The following MTREX variants were observed in gnomAD, a reference collection of about 807,000 sequenced individuals.
The protein encoded by MTREX is Mtr4 exosome RNA helicase.
MTREX carries 76 observed loss-of-function variants against 135.4 expected under a neutral mutation model. That is an observed-to-expected ratio of 0.56 (90% CI 0.47 to 0.68). MTREX has a LOEUF of 0.68. MTREX is among the 30% of genes least tolerant of loss of function. The probability of loss-of-function intolerance (pLI) is 0.00; values close to 1 mark genes in which losing one functional copy is unlikely to be tolerated. For synonymous variants in MTREX, 404 were observed against 401.6 expected (o/e 1.01, Z -0.07); for missense variants, 920 against 1,262.1 (o/e 0.73, Z 4.11).
At chr5:55,399,677 C>A (rs534218583) in intron 20 of MTREX, among the ~76,000 whole-genome samples, 54 of 152,000 alleles carry the variant, frequency 3.6e-4, no homozygotes, top group Admixed American at 1.2e-3. Flanking sequence ...TTAGTAGAGA[C>A]GGGGTTTCAC....
At chr5:55,327,841 T>C in intron 4 of MTREX, 63 bp downstream of exon 4, 2 of 1,214,604 alleles carry the variant, frequency 1.6e-6, no homozygotes, top group Non-Finnish European at 2.4e-6. Flanking sequence ...TTAAAATTCT[T>C]ATTTCAAATG....
At chr5:55,365,604 C>G (rs1324547657) in intron 15 of MTREX, among the ~76,000 whole-genome samples, 2 of 152,232 alleles carry the variant, frequency 1.3e-5, no homozygotes, top group Non-Finnish European at 2.9e-5. Context: ...TACTGCACTT[C>G]TAAATGTTTC....
intron 2 of MTREX, among the ~76,000 whole-genome samples, chr5:55,323,373 A>T (rs747615619): frequency 1.2e-4 from 18 of 152,236 alleles, no homozygotes; most frequent in African/African-American, 4.3e-4. Flanking sequence ...GCCTTTTCAG[A>T]GTCTTAACAG....
chr5:55,377,595 G>T (rs984733332), intron 16 of MTREX, among the ~76,000 whole-genome samples: 3 of 152,096 alleles, frequency 2.0e-5, no homozygotes, highest in Non-Finnish European at 2.9e-5. Flanking sequence ...TCTAATTAAT[G>T]ACTAAATACA....
chr5:55,366,433 TGAGCAGCCTTGCAGTGGGGGACCACAAA>T (rs1299385757), intron 15 of MTREX, among the ~76,000 whole-genome samples: 38 of 152,314 alleles, frequency 2.5e-4, no homozygotes, highest in African/African-American at 8.7e-4. Context: ...AAGGCTGCAG[TGAGCAGCCTTGCAGTGGGGGACCACAAA>T]GAGCAATCCT....
intron 18 of MTREX, among the ~76,000 whole-genome samples, chr5:55,386,040 A>G (rs564543342): frequency 1.3e-5 from 2 of 152,300 alleles, no homozygotes; most frequent in Middle Eastern, 3.4e-3. Flanking sequence ...ATTTTTATTA[A>G]TTTTGGGATC....
intron 22 of MTREX, 145 bp downstream of exon 22, chr5:55,405,733 G>A (rs941119616): frequency 5.0e-5 from 27 of 540,658 alleles, no homozygotes; most frequent in South Asian, 4.8e-4. Flanking sequence ...ACTCCGCCTC[G>A]CAGTTTTAAG....
At position 55,315,561 on chromosome 5, in the gene MTREX, C is replaced by CTTGCGG. The variant is rs1467036163; in HGVS notation, c.135-6766_135-6765insTTGCGG. On this transcript the variant is annotated intron_variant, in intron 1 of 26. Coordinates refer to ENST00000230640, the MANE Select transcript of MTREX (RefSeq NM_015360.5). ...GACAGACAACAACAACAACAAAAACCCATATTCCATTGCGGCATAGAGCAA... is the reference window on the plus strand; with the variant it reads ...GACAGACAACAACAACAACAAAAACCTTGCGGCATATTCCATTGCGGCATAGAGCAA... Among the ~76,000 whole-genome samples, 45 of 151,850 alleles carry CTTGCGG rather than the reference C, an allele frequency of 3.0e-4. 1 individual carries two copies. Among genetic ancestry groups the CTTGCGG allele is most frequent in the Non-Finnish European group, 1.3e-4 (9 of 67,962 alleles).
At chr5:55,370,424 T>C (rs1160570704) in intron 16 of MTREX, among the ~76,000 whole-genome samples, 1 of 152,182 alleles carries the variant, frequency 6.6e-6, no homozygotes, top group Non-Finnish European at 1.5e-5. Flanking sequence ...TGTTTTGTTT[T>C]TTCAATGTGG....
At chr5:55,388,220 T>C in intron 19 of MTREX, 118 bp downstream of exon 19, 1 of 861,660 alleles carries the variant, frequency 1.2e-6, no homozygotes. Flanking sequence ...ATTAGAAGTT[T>C]TCAAGGTATT....
In MTREX at chr5:55,425,463, T is replaced by A; in HGVS notation, c.*691T>A. The A allele has an allele frequency of 1.2e-6, 1 of 858,796 alleles. No homozygotes were observed. The highest frequency in any genetic ancestry group is 1.7e-6 in the Non-Finnish European group (1 of 603,050). The allele number at this position is 858,796 out of a possible 1,614,324, so 53.2% of individuals were successfully genotyped here. A position where few individuals can be genotyped will look rare whatever the true frequency, so the allele number is the denominator to read the frequency against. ...CTTTGAGGTGTACAGATTAAGCATATAAAAAATTAGAGACTAACTGGGATT... is the reference window on the plus strand; with the variant it reads ...CTTTGAGGTGTACAGATTAAGCATAAAAAAAATTAGAGACTAACTGGGATT... On this transcript the variant is annotated 3_prime_UTR_variant, in exon 27 of 27. Transcript: ENST00000230640.
intron 1 of MTREX, 34 bp from the exon 2 acceptor site, chr5:55,322,293 C>G: frequency 6.4e-7 from 1 of 1,569,008 alleles, no homozygotes; most frequent in Admixed American, 1.9e-5. Flanking sequence ...AAAGTGGATA[C>G]TGCAGAATTC....
chr5:55,340,050 A>AC lies in MTREX; in HGVS notation c.556_557insC (p.Ile186ThrfsTer7). On this transcript the variant is annotated frameshift_variant, in exon 6 of 27. Transcript: ENST00000230640. LOFTEE classifies it high-confidence loss of function. The stretch of plus-strand genomic sequence containing the variant: ...GGCCTTAAGGGAAAAGCAGCGTGTA[A>AC]TATTTACCAGCCCAATTAAGGCTCT... 1 of 1,591,172 alleles carries AC rather than the reference A, an allele frequency of 6.3e-7. No individual in the cohort carries two copies. Among genetic ancestry groups the AC allele is most frequent in the South Asian group, 1.2e-5 (1 of 86,926 alleles).
At chr5:55,368,376 G>A (rs545960977) in intron 16 of MTREX, among the ~76,000 whole-genome samples, 41 of 152,212 alleles carry the variant, frequency 2.7e-4, no homozygotes, top group African/African-American at 9.6e-4. Context: ...GCTGGAACCC[G>A]GGAGCAGAGG....
chr5:55,391,807 A>T (rs1210806943), intron 19 of MTREX, among the ~76,000 whole-genome samples: 1 of 152,206 alleles, frequency 6.6e-6, no homozygotes, highest in Non-Finnish European at 1.5e-5. Context: ...CTGCCTTTTT[A>T]AATCAAACCA....
At chr5:55,308,195 G>A (rs1215654874) in intron 1 of MTREX, 48 bp downstream of exon 1, 1 of 1,539,592 alleles carries the variant, frequency 6.5e-7, no homozygotes, top group South Asian at 1.3e-5. Context: ...TCTCGGTGGG[G>A]AGGAAGAAAA....
chr5:55,352,747 T>A (rs762062562), intron 13 of MTREX, among the ~76,000 whole-genome samples: 60 of 152,328 alleles, frequency 3.9e-4, no homozygotes, highest in Middle Eastern at 3.4e-3. Context: ...GTCTTAGAAG[T>A]GAATTACAGA....
intron 25 of MTREX, among the ~76,000 whole-genome samples, chr5:55,422,441 G>T (rs1423398422): frequency 1.3e-5 from 2 of 152,098 alleles, no homozygotes; most frequent in Non-Finnish European, 2.9e-5. Context: ...GGTATGGATG[G>T]TGTCCAGATG....
intron 9 of MTREX, among the ~76,000 whole-genome samples, chr5:55,344,881 A>G (rs1749705390): frequency 6.6e-6 from 1 of 152,096 alleles, no homozygotes; most frequent in Non-Finnish European, 1.5e-5. Flanking sequence ...GGTTCTGGAC[A>G]TGTTTCAGAT....
Sources: allele counts gnomAD v4.1 joint callset (sites outside exome capture counted in the v4.1 genomes callset), GRCh38; gene constraint gnomAD v4.1.1; transcripts MANE v1.5; gene names NCBI Gene and HGNC (gene_info 2026-07-23, HGNC 2026-07-21).